The following ECSCR variants were observed in gnomAD, a reference collection of about 807,000 sequenced individuals.
ECSCR encodes the protein endothelial cell surface expressed chemotaxis and apoptosis regulator.
In ECSCR, 12 loss-of-function variants were observed where a neutral mutation model predicts 16.7. The observed-to-expected ratio is 0.72, with a 90% CI of 0.46 to 1.17. The LOEUF (loss-of-function observed/expected upper bound fraction) is 1.17. Among genes scored for constraint, ECSCR ranks in the 50% most tolerant of loss-of-function variants. ECSCR has a pLI of 0.00. For synonymous variants in ECSCR, 44 were observed against 42.2 expected (o/e 1.04, Z -0.17); for missense variants, 122 against 116.1 (o/e 1.05, Z -0.23).
At chr5:139,457,989 A>C in intron 2 of ECSCR, 150 bp downstream of exon 2, 1 of 1,148,722 alleles carries the variant, frequency 8.7e-7, no homozygotes, top group Non-Finnish European at 1.3e-6. Context: ...AAATCCTTAG[A>C]TGAGCTCAGC....
chr5:139,452,009 G>A (rs1751062667), intron 8 of ECSCR, among the ~76,000 whole-genome samples: 1 of 150,888 alleles, frequency 6.6e-6, no homozygotes, highest in East Asian at 1.9e-4. Flanking sequence ...TGGTGTGTGG[G>A]TGTGTGTGTA....
intron 8 of ECSCR, among the ~76,000 whole-genome samples, chr5:139,452,309 G>GTA (rs1751077127): frequency 1.5e-3 from 17 of 11,370 alleles, no homozygotes; most frequent in Middle Eastern, 0.019. Context: ...TGTGGTGTGT[G>GTA]TGTGTGTATA....
intron 1 of ECSCR, among the ~76,000 whole-genome samples, chr5:139,461,987 C>G (rs1022945751): frequency 1.3e-5 from 2 of 152,188 alleles, no homozygotes; most frequent in Admixed American, 1.3e-4. Flanking sequence ...CTGGCAGAGC[C>G]TGTCAGAGAG....
intron 7 of ECSCR, 22 bp from the exon 8 acceptor site, chr5:139,454,660 G>A (rs1205777414): frequency 2.5e-6 from 1 of 398,230 alleles, no homozygotes; most frequent in Non-Finnish European, 4.4e-6. Flanking sequence ...CAAAGGCACA[G>A]GTTGGGGCTC....
chr5:139,455,814 TAAAAA>T (rs1187505493), intron 5 of ECSCR, among the ~76,000 whole-genome samples: 1 of 49,092 alleles, frequency 2.0e-5, no homozygotes. Flanking sequence ...CCATCTCTCC[TAAAAA>T]AAAAAAAAAA....
chr5:139,449,164 C>T lies in ECSCR; in HGVS notation c.523G>A (p.Ala175Thr), dbSNP rs1194720261. ...GTGATGCTGTCTTTCTCTCCATTGG[C>T]TGTGGAGCAGCTGGGGGAGGAAGGG... ...SSGLSESCST[A>T]NGEKDSITLI... The change falls in exon 9 of 10, where the codon GCC (alanine) becomes ACC (threonine). Residue 175 changes from alanine (A) to threonine (T), a missense_variant. By Grantham distance (58) the Ala-to-Thr change is moderately conservative. Coordinates refer to ENST00000618155, the MANE Select transcript of ECSCR (RefSeq NM_001077693.4). 6.5e-7 allele frequency: 1 copy of T among 1,537,036 alleles called. No homozygotes were observed. Among genetic ancestry groups the T allele is most frequent in the Non-Finnish European group, 8.7e-7 (1 of 1,146,850 alleles).
chr5:139,460,796 C>T (rs1751283621), intron 1 of ECSCR, among the ~76,000 whole-genome samples: 1 of 152,138 alleles, frequency 6.6e-6, no homozygotes, highest in Admixed American at 6.6e-5. Context: ...GCTTTATCCC[C>T]TTCTAGTCTA....
At chr5:139,450,900 GATA>G (rs1405864082) in intron 8 of ECSCR, among the ~76,000 whole-genome samples, 5 of 152,188 alleles carry the variant, frequency 3.3e-5, no homozygotes, top group Non-Finnish European at 7.3e-5. Context: ...TAAGCTTAGA[GATA>G]ATGTCTTTTT....
intron 8 of ECSCR, 136 bp from the exon 9 acceptor site, chr5:139,449,310 C>A (rs137919352): frequency 1.5e-6 from 1 of 656,192 alleles, no homozygotes; most frequent in Non-Finnish European, 2.7e-6. Context: ...TGATGAAATG[C>A]GAGTGTGCTT....
chr5:139,449,419 C>A (rs1477621849), intron 8 of ECSCR, among the ~76,000 whole-genome samples: 1 of 152,170 alleles, frequency 6.6e-6, no homozygotes, highest in East Asian at 1.9e-4. Context: ...TTCACTGCAA[C>A]CTCCACCTCT....
chr5:139,457,500 C>T, intron 4 of ECSCR, 45 bp downstream of exon 4: 1 of 780,904 alleles, frequency 1.3e-6, no homozygotes, highest in South Asian at 1.3e-5. Context: ...GGGGTCCTCA[C>T]TGGGCCCTCC....
At chr5:139,454,461 G>A (rs1751113249) in intron 8 of ECSCR, 141 bp downstream of exon 8, 3 of 389,504 alleles carry the variant, frequency 7.7e-6, no homozygotes, top group Admixed American at 4.5e-5. Flanking sequence ...TGGGTTTGAG[G>A]TGTGTGGGGG....
chr5:139,460,419 G>A (rs1472351847), intron 1 of ECSCR, among the ~76,000 whole-genome samples: 1 of 152,166 alleles, frequency 6.6e-6, no homozygotes, highest in Non-Finnish European at 1.5e-5. Context: ...ACAGGCGTGA[G>A]CCACCGAGCC....
intron 8 of ECSCR, among the ~76,000 whole-genome samples, chr5:139,451,200 G>GGTGTGTGTGGTATGGGGT (rs1005306321): frequency 6.7e-6 from 1 of 149,304 alleles, no homozygotes; most frequent in African/African-American, 2.5e-5. Context: ...TGTGGTGTGG[G>GGTGTGTGTGGTATGGGGT]GTGTGTGTGG....
In ECSCR at chr5:139,462,594, G is replaced by T. The variant is rs138854672; in HGVS notation, c.61+16C>A. On this transcript the variant is annotated intron_variant, in intron 1 of 9. Transcript: ENST00000618155. ...CGGAGAGGAATTGCCATGGGAAAGC[G>T]GCAGGCACCTCTTACCTCGGAACAG... The T allele has an allele frequency of 6.3e-7, 1 of 1,591,142 alleles. No individual in the cohort carries two copies. The highest frequency in any genetic ancestry group is 1.1e-5 in the South Asian group (1 of 87,066).
rs2152089025 is a variant in ECSCR at position 139,454,841 on chromosome 5, C to G, written c.459G>C (p.Lys153Asn). 3 of 398,764 alleles carry G rather than the reference C, an allele frequency of 7.5e-6. No individual in the cohort carries two copies. Among genetic ancestry groups the G allele is most frequent in the East Asian group, 7.1e-5 (2 of 28,068 alleles). The allele number at this position is 398,764 out of a possible 1,614,324, so 24.7% of individuals were successfully genotyped here. Residue 153 changes from lysine (K) to asparagine (N), a missense_variant, in exon 7 of 10, where the codon AAG becomes AAC. Lys to Asn is a moderately conservative substitution (Grantham distance 94, BLOSUM62 0). Transcript: ENST00000618155. ...GGCACGCACCTTCAGACTCCTTGCTCTTCCGACACTTGAACCTCAGGCTGA... is the reference window on the plus strand; with the variant it reads ...GGCACGCACCTTCAGACTCCTTGCTGTTCCGACACTTGAACCTCAGGCTGA... The part of the protein sequence containing the change: ...GVVSLRFKCR[K>N]SKESEDPQKP...
At chr5:139,457,381 GC>G (rs1751180493) in intron 4 of ECSCR, among the ~76,000 whole-genome samples, 163 bp downstream of exon 4, 1 of 152,110 alleles carries the variant, frequency 6.6e-6, no homozygotes, top group Non-Finnish European at 1.5e-5. Context: ...TTCTGCTGGT[GC>G]CCACCGCAGC....
At position 139,448,832 on chromosome 5, in the gene ECSCR, A is replaced by G. The variant is rs1750965436; in HGVS notation, c.*68T>C. 1 of 1,530,942 alleles carries G rather than the reference A, an allele frequency of 6.5e-7. No individual in the cohort carries two copies. Among genetic ancestry groups the G allele is most frequent in the African/African-American group, 1.4e-5 (1 of 72,564 alleles). 94.8% of individuals were successfully genotyped at this position (1,530,942 alleles called of 1,614,324 possible). A position where few individuals can be genotyped will look rare whatever the true frequency, so the allele number is the denominator to read the frequency against. On this transcript the variant is annotated 3_prime_UTR_variant, in exon 10 of 10. Transcript: ENST00000618155. ...GTGGTTCATTGCCTCTACTAATTCC[A>G]TCTCTTCCTCCTTGTAGTCACAGGG... is the stretch of plus-strand genomic sequence containing the variant.
intron 4 of ECSCR, among the ~76,000 whole-genome samples, chr5:139,456,758 T>A (rs1751166921): frequency 2.0e-5 from 3 of 152,332 alleles, no homozygotes; most frequent in African/African-American, 7.2e-5. Context: ...CAAGGTCCTG[T>A]CTCTACGCCC....
Sources: allele counts gnomAD v4.1 joint callset (sites outside exome capture counted in the v4.1 genomes callset), GRCh38; gene constraint gnomAD v4.1.1; transcripts MANE v1.5; gene names NCBI Gene and HGNC (gene_info 2026-07-23, HGNC 2026-07-21).